CLSTN2: variants seen among roughly 807,000 people sequenced by gnomAD.
CLSTN2 encodes the protein calsyntenin 2.
In CLSTN2, 48 loss-of-function variants were observed where a neutral mutation model predicts 101.2. The ratio of observed to expected loss-of-function variants is 0.47; its 90% CI spans 0.38 to 0.60. The LOEUF (loss-of-function observed/expected upper bound fraction) is 0.60, where lower values mean the gene tolerates loss of function less well. Ranked by LOEUF, CLSTN2 falls within the 20% of genes least tolerant of loss-of-function variation. The probability of loss-of-function intolerance (pLI) is 0.00; values close to 1 mark genes in which losing one functional copy is unlikely to be tolerated. For missense variants in CLSTN2, 1,160 were observed against 1,238.2 expected (o/e 0.94, Z 0.95); for synonymous variants, 481 against 463.6 (o/e 1.04, Z -0.48).
chr3:140,217,316 A>G (rs2010933560), intron 2 of CLSTN2, among the ~76,000 whole-genome samples: 1 of 152,184 alleles, frequency 6.6e-6, no homozygotes, highest in Non-Finnish European at 1.5e-5. Context: ...TTCTCCTACC[A>G]AGAAGAATTT....
intron 1 of CLSTN2, among the ~76,000 whole-genome samples, chr3:139,963,801 G>A (rs149070269): frequency 6.6e-6 from 1 of 152,350 alleles, no homozygotes; most frequent in African/African-American, 2.4e-5. Flanking sequence ...GCAGTTGTCA[G>A]TATAGCTTGT....
At chr3:140,204,383 G>T (rs2010754859) in intron 2 of CLSTN2, among the ~76,000 whole-genome samples, 1 of 152,176 alleles carries the variant, frequency 6.6e-6, no homozygotes, top group Non-Finnish European at 1.5e-5. Context: ...CTGTGCCTTG[G>T]CTCATCATCT....
chr3:140,254,515 T>G (rs2086589038), intron 2 of CLSTN2, among the ~76,000 whole-genome samples: 1 of 152,232 alleles, frequency 6.6e-6, no homozygotes, highest in South Asian at 2.1e-4. Context: ...TTTAAATTTA[T>G]GAAGAGCCTG....
At position 139,935,404 on chromosome 3, in the gene CLSTN2, G is replaced by C; in HGVS notation, c.30G>C (p.Pro10=). MLPGRLCWV[P]LLLALGVGSG... ...TGCCTGGGCGGCTGTGCTGGGTGCC[G>C]CTCCTGCTGGCGCTGGGCGTGGGGA... The change falls in exon 1 of 17, where the codon CCG becomes CCC. Residue 10 remains proline (P), a synonymous_variant. Transcript: ENST00000458420. This position sits in a 1 kb window ranked among gnomAD's most constrained non-coding sequence, Gnocchi z 5.5. 1 of 1,230,616 alleles carries C rather than the reference G, an allele frequency of 8.1e-7. No individual in the cohort carries two copies. The highest frequency in any genetic ancestry group is 1.0e-6 in the Non-Finnish European group (1 of 986,972). 76.2% of individuals were successfully genotyped at this position (1,230,616 alleles called of 1,614,324 possible).
At chr3:140,001,638 T>C (rs115673713) in intron 1 of CLSTN2, among the ~76,000 whole-genome samples, 1 of 152,126 alleles carries the variant, frequency 6.6e-6, no homozygotes, top group Non-Finnish European at 1.5e-5. Context: ...ATACTTTTTT[T>C]AAGCTATTTT....
At chr3:140,216,334 G>A (rs2010921041) in intron 2 of CLSTN2, among the ~76,000 whole-genome samples, 1 of 152,142 alleles carries the variant, frequency 6.6e-6, no homozygotes, top group Non-Finnish European at 1.5e-5. Context: ...TGAAGGAAAG[G>A]AAAAGCCACC....
chr3:140,267,272 T>C (rs2107887127), intron 2 of CLSTN2, among the ~76,000 whole-genome samples: 1 of 152,278 alleles, frequency 6.6e-6, no homozygotes, highest in South Asian at 2.1e-4. Flanking sequence ...AAAAGCAGAA[T>C]GAGGAGAATG....
intron 9 of CLSTN2, among the ~76,000 whole-genome samples, chr3:140,546,120 T>C (rs1283750845): frequency 6.6e-6 from 1 of 152,140 alleles, no homozygotes; most frequent in Non-Finnish European, 1.5e-5. Context: ...ACCTGCCAGG[T>C]GAAAACAATG....
chr3:140,261,879 C>T (rs2086657307), intron 2 of CLSTN2, among the ~76,000 whole-genome samples: 1 of 152,122 alleles, frequency 6.6e-6, no homozygotes. Flanking sequence ...TTAATGCCCA[C>T]CTTCTATTTT....
At chr3:140,418,513 C>CT (rs1051422077) in intron 4 of CLSTN2, among the ~76,000 whole-genome samples, 4,522 of 41,610 alleles carry the variant, frequency 0.11, 134 homozygotes, top group Middle Eastern at 0.19. Flanking sequence ...TTCTTTCTTT[C>CT]TTTCTTTTTT....
At chr3:140,235,198 C>T (rs1263670674) in intron 2 of CLSTN2, among the ~76,000 whole-genome samples, 2 of 152,158 alleles carry the variant, frequency 1.3e-5, no homozygotes, top group Non-Finnish European at 2.9e-5. Flanking sequence ...GCTTTTAGTA[C>T]ATGGCTTTTT....
chr3:140,376,545 A>G (rs1474533380), intron 2 of CLSTN2, among the ~76,000 whole-genome samples: 1 of 152,258 alleles, frequency 6.6e-6, no homozygotes, highest in Non-Finnish European at 1.5e-5. Context: ...AATGGCCAGA[A>G]TTCTAAGTCT....
rs1373317583 is a variant in CLSTN2 at position 140,062,648 on chromosome 3, C to A, written c.110-113303C>A. Among the ~76,000 whole-genome samples, 3 of 152,336 alleles carry A rather than the reference C, an allele frequency of 2.0e-5. No individual in the cohort carries two copies. The East Asian group carries it at 5.8e-4, about 29-fold the overall frequency. On this transcript the variant is annotated intron_variant, in intron 1 of 16. Transcript: ENST00000458420. ...CTGCCCTGGCTGAGCCAAAGTCCCT[C>A]TCCCAGAGCTGCCATGACTCATTAT...
chr3:139,989,478 G>A (rs1363998008), intron 1 of CLSTN2, among the ~76,000 whole-genome samples: 2 of 152,186 alleles, frequency 1.3e-5, no homozygotes, highest in Admixed American at 1.3e-4. Context: ...CTTCCACGTG[G>A]CCTGTTACCA....
intron 2 of CLSTN2, among the ~76,000 whole-genome samples, chr3:140,392,841 AG>A (rs1478763492): frequency 1.2e-4 from 19 of 152,090 alleles, no homozygotes; most frequent in Non-Finnish European, 2.4e-4. Flanking sequence ...TTAAAAAAAA[AG>A]AACTTATTTT....
intron 1 of CLSTN2, among the ~76,000 whole-genome samples, chr3:140,039,365 AC>A (rs1361000561): frequency 6.6e-6 from 1 of 152,190 alleles, no homozygotes; most frequent in Admixed American, 6.6e-5. Flanking sequence ...GCAGTGTAAT[AC>A]ATTTTGCCAA....
intron 2 of CLSTN2, among the ~76,000 whole-genome samples, chr3:140,370,211 G>A (rs1466481334): frequency 6.6e-6 from 1 of 152,186 alleles, no homozygotes; most frequent in Non-Finnish European, 1.5e-5. Context: ...TCACCATTGA[G>A]GCCTGCTATC....
At chr3:140,545,461 A>G (rs1025700017) in intron 9 of CLSTN2, among the ~76,000 whole-genome samples, 34 of 152,158 alleles carry the variant, frequency 2.2e-4, no homozygotes, top group East Asian at 7.7e-4. Flanking sequence ...AGAGGCCCAG[A>G]GAGCTTATGA....
intron 2 of CLSTN2, among the ~76,000 whole-genome samples, chr3:140,242,286 C>T (rs1330042440): frequency 6.6e-6 from 1 of 152,122 alleles, no homozygotes; most frequent in African/African-American, 2.4e-5. Flanking sequence ...TTGAGAAAGA[C>T]TAACAGAAAC....
Sources: gnomAD v4.1 joint callset for allele counts (sites outside exome capture counted in the v4.1 genomes callset) on GRCh38, gnomAD v4.1.1 for gene constraint, Gnocchi (gnomAD v3.1) non-coding constraint, MANE v1.5 for transcripts, NCBI Gene and HGNC (gene_info 2026-07-23, HGNC 2026-07-21) for gene names.